Variants in AKAP13 observed in about 807,000 individuals in gnomAD.
The protein encoded by AKAP13 is A-kinase anchoring protein 13.
A neutral mutation model predicts 264.5 loss-of-function variants in AKAP13; 80 were observed. The ratio of observed to expected loss-of-function variants is 0.30; its 90% confidence interval spans 0.25 to 0.36. The LOEUF (loss-of-function observed/expected upper bound fraction) is 0.36. Among genes scored for constraint, AKAP13 ranks in the 10% least tolerant of loss-of-function variants. AKAP13 has a pLI of 1.00. For missense variants in AKAP13, 3,712 were observed against 3,435.2 expected, an observed-to-expected ratio of 1.08 and a Z score of -2.01; for synonymous variants, 1,380 against 1,250.2, an observed-to-expected ratio of 1.10 and a Z score of -2.19.
chr15:85,396,316 C>T (rs1186993381), intron 1 of AKAP13, among the ~76,000 whole-genome samples: 2 of 152,148 alleles, frequency 1.3e-5, no homozygotes, highest in Non-Finnish European at 2.9e-5. Flanking sequence ...TTAACCTCTT[C>T]AGCAACTTCA....
At chr15:85,429,742 A>G (rs575595346) in intron 1 of AKAP13, among the ~76,000 whole-genome samples, 4 of 152,356 alleles carry the variant, frequency 2.6e-5, no homozygotes, top group Middle Eastern at 3.4e-3. Context: ...CTGGATGAGA[A>G]TATCCTGGCG....
Position 85,514,843 on chromosome 15 carries a change from GT to G in AKAP13, c.34-6573del, listed in dbSNP as rs34275462. Among the ~76,000 whole-genome samples, 87 of 124,726 alleles carry G rather than the reference GT, an allele frequency of 7.0e-4. 5 individuals carry two copies. The East Asian group carries it at 7.7e-3, about 11-fold the overall frequency. 81.8% of individuals were successfully genotyped at this position (124,726 alleles called of 152,430 possible). On this transcript the variant is annotated intron_variant, in intron 2 of 36. Coordinates refer to ENST00000394518, the MANE Select transcript of AKAP13 (RefSeq NM_007200.5). ...GTGTTGGTTAATGAGATTTTGAGGG[GT>G]TTTTTTTTTTTGGTACTGTAATAAT...
rs1454782393 is a variant in AKAP13 at position 85,747,719 on chromosome 15, A to C, written c.*3042A>C. 1 of 152,652 alleles carries C rather than the reference A, an allele frequency of 6.6e-6. No homozygotes were observed. The highest frequency in any genetic ancestry group is 1.5e-5 in the Non-Finnish European group (1 of 68,038). The allele number at this position is 152,652 out of a possible 1,614,324, so 9.5% of individuals were successfully genotyped here. A position where few individuals can be genotyped will look rare whatever the true frequency, so the allele number is the denominator to read the frequency against. ...AAAATGGAGAGGGTTAAAAACATGC[A>C]AACTGCCACTTTCAACCTTTGCCAG... On this transcript the variant is annotated 3_prime_UTR_variant, in exon 37 of 37. Coordinates refer to ENST00000394518, the MANE Select transcript of AKAP13 (RefSeq NM_007200.5).
chr15:85,685,481 TG>T (rs1259065665), intron 16 of AKAP13: 5 of 147,942 alleles, frequency 3.4e-5, no homozygotes, highest in Non-Finnish European at 5.9e-5. Context: ...TGTGTGTGTG[TG>T]TGTGTGTCTG....
intron 4 of AKAP13, among the ~76,000 whole-genome samples, chr15:85,541,808 T>G (rs1045904769): frequency 2.6e-5 from 4 of 152,336 alleles, no homozygotes; most frequent in East Asian, 1.9e-4. Flanking sequence ...TCCTAATCTG[T>G]TATCCTCAGA....
At chr15:85,604,642 T>G (rs1387774632) in intron 8 of AKAP13, among the ~76,000 whole-genome samples, 1 of 152,096 alleles carries the variant, frequency 6.6e-6, no homozygotes, top group Non-Finnish European at 1.5e-5. Flanking sequence ...TTTTGTATTT[T>G]TAGTAGAGAT....
Position 85,580,807 on chromosome 15 carries a change from A to G in AKAP13, c.2739A>G (p.Lys913=). ...ALDSVLTEEG[K]LLVVSESSAA... ...ATTCAGTTTTGACTGAAGAAGGAAA[A>G]CTTCTGGTGGTTTCAGAAAGCTCTG... Residue 913 remains lysine (K), a synonymous_variant, in exon 7 of 37, where the codon AAA becomes AAG. Coordinates refer to ENST00000394518, the MANE Select transcript of AKAP13 (RefSeq NM_007200.5). 1.2e-6 allele frequency: 2 copies of G among 1,614,032 alleles called. No individual in the cohort carries two copies. Among genetic ancestry groups the G allele is most frequent in the South Asian group, 1.1e-5 (1 of 91,084 alleles).
At chr15:85,528,228 A>C (rs2077143923) in intron 3 of AKAP13, among the ~76,000 whole-genome samples, 1 of 152,216 alleles carries the variant, frequency 6.6e-6, no homozygotes, top group African/African-American at 2.4e-5. Flanking sequence ...CTGACCTGCC[A>C]GCATAAAAAA....
intron 13 of AKAP13, 112 bp from the exon 14 acceptor site, chr15:85,669,610 C>T (rs1396063990): frequency 1.4e-5 from 10 of 725,556 alleles, no homozygotes; most frequent in Admixed American, 9.4e-5. Context: ...TGCTCTCACC[C>T]GCTTCTTCAC....
chr15:85,440,276 C>G (rs975536568), intron 1 of AKAP13, among the ~76,000 whole-genome samples: 11 of 152,190 alleles, frequency 7.2e-5, no homozygotes, highest in African/African-American at 1.9e-4. Context: ...TTGTTATAGA[C>G]TTGTTCACAC....
chr15:85,531,919 C>T (rs2077253684), intron 3 of AKAP13, among the ~76,000 whole-genome samples: 1 of 152,228 alleles, frequency 6.6e-6, no homozygotes, highest in African/African-American at 2.4e-5. Context: ...TCTTCAAACA[C>T]ATTGCCCTGT....
chr15:85,557,756 T>A (rs947318207), intron 5 of AKAP13, among the ~76,000 whole-genome samples: 1 of 152,208 alleles, frequency 6.6e-6, no homozygotes. Flanking sequence ...ATTACAGGCA[T>A]GAGCCCCCAT....
rs918384027 is a variant in AKAP13 at position 85,523,809 on chromosome 15, G to A, written c.181+2234G>A. 1.6e-4 allele frequency among the ~76,000 whole-genome samples: 13 copies of A among 79,858 alleles called. No homozygotes were observed. In the East Asian group the frequency reaches 3.6e-3, roughly 22 times the overall value. 52.4% of individuals were successfully genotyped at this position (79,858 alleles called of 152,430 possible). On this transcript the variant is annotated intron_variant, in intron 3 of 36. Coordinates refer to ENST00000394518, the MANE Select transcript of AKAP13 (RefSeq NM_007200.5). ...GCACTCACACGTAACCCCCCTCCCC[G>A]CCCCCCTTTTTTTGTTTTTTAATAA...
At chr15:85,404,996 C>T (rs2071598155) in intron 1 of AKAP13, among the ~76,000 whole-genome samples, 1 of 152,106 alleles carries the variant, frequency 6.6e-6, no homozygotes, top group African/African-American at 2.4e-5. Context: ...TATAAGCTAT[C>T]TGGAATGCTG....
At chr15:85,553,337 C>G (rs548991795) in intron 5 of AKAP13, among the ~76,000 whole-genome samples, 23 of 152,252 alleles carry the variant, frequency 1.5e-4, no homozygotes, top group Non-Finnish European at 4.4e-5. Flanking sequence ...ATCCGCCTGC[C>G]TCGGCCTCCC....
intron 3 of AKAP13, among the ~76,000 whole-genome samples, chr15:85,523,752 A>G (rs570370004): frequency 6.6e-6 from 1 of 152,302 alleles, no homozygotes; most frequent in East Asian, 1.9e-4. Flanking sequence ...TCTTCTAGAA[A>G]GATGTGTATG....
intron 16 of AKAP13, among the ~76,000 whole-genome samples, chr15:85,687,525 T>C (rs929865895): frequency 3.5e-4 from 53 of 152,182 alleles, no homozygotes; most frequent in Non-Finnish European, 6.2e-4. Context: ...CTTTCAGACT[T>C]GGCTTCAAGA....
intron 1 of AKAP13, among the ~76,000 whole-genome samples, chr15:85,468,675 C>G (rs1019524363): frequency 6.6e-6 from 1 of 152,142 alleles, no homozygotes; most frequent in Non-Finnish European, 1.5e-5. Context: ...TGTATGAAGT[C>G]TGACTTAAAA....
chr15:85,659,635 A>G (rs2083249639), intron 12 of AKAP13, among the ~76,000 whole-genome samples: 1 of 152,166 alleles, frequency 6.6e-6, no homozygotes. Context: ...CTGGGTCTTT[A>G]TTAAAGCTCT....
Sources: gnomAD v4.1 joint callset for allele counts (sites outside exome capture counted in the v4.1 genomes callset) on GRCh38, gnomAD v4.1.1 for gene constraint, MANE v1.5 for transcripts, NCBI Gene and HGNC (gene_info 2026-07-23, HGNC 2026-07-21) for gene names.